The following USH2A variants were observed in gnomAD, a reference collection of about 807,000 sequenced individuals.
USH2A encodes the protein usherin.
USH2A carries 443 observed loss-of-function variants against 538.9 expected under a neutral mutation model. The ratio of observed to expected loss-of-function variants is 0.82; its 90% CI spans 0.76 to 0.89. The LOEUF (loss-of-function observed/expected upper bound fraction) is 0.89. USH2A is among the 40% of genes least tolerant of loss of function. The pLI, the probability that USH2A is intolerant of heterozygous loss-of-function variation, is 0.00. For synonymous variants in USH2A, 2,413 were observed against 2,273.5 expected (o/e 1.06, Z -1.75); for missense variants, 6,633 against 6,324.8 (o/e 1.05, Z -1.65).
rs149386601 is a variant in USH2A, at chr1:215,722,334, G to A, written c.12066+5696C>T. On this transcript the variant is annotated intron_variant, in intron 61 of 71. Transcript: ENST00000307340. Reference sequence around the variant, plus strand: ...AGTATTTCTGTTGTCTAATAAATGTGTCTGGGGAGAAAAGGCTAAGAATCA... The same window carrying A: ...AGTATTTCTGTTGTCTAATAAATGTATCTGGGGAGAAAAGGCTAAGAATCA... Among the ~76,000 whole-genome samples the A allele has an allele frequency of 7.5e-3, 1,149 of 152,218 alleles. 22 individuals carry two copies. Among genetic ancestry groups the A allele is most frequent in the African/African-American group, 0.026 (1,078 of 41,538 alleles).
At chr1:215,710,589 G>A (rs901128986) in intron 61 of USH2A, among the ~76,000 whole-genome samples, 1 of 152,082 alleles carries the variant, frequency 6.6e-6, no homozygotes, top group African/African-American at 2.4e-5. Flanking sequence ...GGGTCCTACG[G>A]CTCTAGGTGG....
chr1:215,634,910 C>T (rs1656428546), intron 69 of USH2A, among the ~76,000 whole-genome samples: 1 of 152,174 alleles, frequency 6.6e-6, no homozygotes, highest in Non-Finnish European at 1.5e-5. Context: ...CCTTGAGAGG[C>T]CTTGCTGACA....
At chr1:216,063,557 A>G (rs1470725089) in intron 30 of USH2A, among the ~76,000 whole-genome samples, 2 of 152,240 alleles carry the variant, frequency 1.3e-5, no homozygotes, top group Non-Finnish European at 2.9e-5. Context: ...CATTGGCAAG[A>G]AATGTAGTGA....
chr1:215,737,821 T>C (rs566445374), intron 60 of USH2A, among the ~76,000 whole-genome samples: 3 of 152,208 alleles, frequency 2.0e-5, no homozygotes, highest in African/African-American at 7.2e-5. Context: ...TTATCCATTT[T>C]ATAAAATGTT....
At chr1:215,804,179 C>T (rs1461604169) in intron 49 of USH2A, among the ~76,000 whole-genome samples, 1 of 152,092 alleles carries the variant, frequency 6.6e-6, no homozygotes, top group Non-Finnish European at 1.5e-5. Flanking sequence ...ACCATAAAAA[C>T]CCTAGAAGAA....
At chr1:216,221,426 T>C (rs1176459049) in intron 14 of USH2A, among the ~76,000 whole-genome samples, 1 of 152,176 alleles carries the variant, frequency 6.6e-6, no homozygotes, top group Non-Finnish European at 1.5e-5. Context: ...AGTTACAGAC[T>C]ACTAACAGCA....
At chr1:215,785,748 C>T (rs2102766018) in intron 52 of USH2A, among the ~76,000 whole-genome samples, 1 of 152,300 alleles carries the variant, frequency 6.6e-6, no homozygotes. Context: ...TAATCTTCCT[C>T]CTCTTATCTT....
intron 61 of USH2A, among the ~76,000 whole-genome samples, chr1:215,693,087 T>C (rs1252939010): frequency 1.4e-5 from 1 of 70,026 alleles, no homozygotes; most frequent in Non-Finnish European, 3.2e-5. Context: ...TATATATATA[T>C]ATATATGTGT....
At chr1:215,718,492 G>T (rs17025217) in intron 61 of USH2A, among the ~76,000 whole-genome samples, 2 of 152,122 alleles carry the variant, frequency 1.3e-5, no homozygotes, top group East Asian at 3.8e-4. Context: ...CAATGTTAAT[G>T]GTCTTTCAAC....
chr1:215,796,720 C>T (rs1662147452), intron 50 of USH2A, among the ~76,000 whole-genome samples: 1 of 152,126 alleles, frequency 6.6e-6, no homozygotes, highest in South Asian at 2.1e-4. Flanking sequence ...CACTTTAAAT[C>T]AAAAGCTAGG....
chr1:215,730,084 A>G (rs1335413083), intron 60 of USH2A, among the ~76,000 whole-genome samples: 1 of 152,214 alleles, frequency 6.6e-6, no homozygotes, highest in Non-Finnish European at 1.5e-5. Context: ...CTAGGGCCAA[A>G]TGCATACTCT....
chr1:215,808,272 A>ATAT (rs1662560181), intron 49 of USH2A, among the ~76,000 whole-genome samples: 3 of 152,150 alleles, frequency 2.0e-5, no homozygotes, highest in Admixed American at 2.0e-4. Flanking sequence ...TGAGAAAAAT[A>ATAT]TATTAAGTCA....
chr1:216,418,257 A>G (rs141664692), intron 3 of USH2A, among the ~76,000 whole-genome samples: 3 of 152,164 alleles, frequency 2.0e-5, no homozygotes, highest in Non-Finnish European at 4.4e-5. Flanking sequence ...TTTTCTGAGG[A>G]TATTACAATT....
intron 3 of USH2A, among the ~76,000 whole-genome samples, chr1:216,414,699 G>A (rs1385558780): frequency 1.3e-5 from 2 of 152,060 alleles, no homozygotes; most frequent in African/African-American, 4.8e-5. Flanking sequence ...GCCATTCCAC[G>A]AATAGAGTTG....
At chr1:216,025,596 TG>T (rs1668945590) in intron 32 of USH2A, among the ~76,000 whole-genome samples, 1 of 152,198 alleles carries the variant, frequency 6.6e-6, no homozygotes, top group South Asian at 2.1e-4. Context: ...TTTTATGAAA[TG>T]TTTTTTCAGA....
At chr1:215,991,800 T>C (rs993961143) in intron 35 of USH2A, among the ~76,000 whole-genome samples, 5 of 152,236 alleles carry the variant, frequency 3.3e-5, no homozygotes, top group African/African-American at 1.2e-4. Context: ...AGTGCTCTAC[T>C]ATGCAAATCA....
chr1:215,978,354 C>T (rs932835329), intron 35 of USH2A, among the ~76,000 whole-genome samples: 2 of 152,120 alleles, frequency 1.3e-5, no homozygotes, highest in Non-Finnish European at 1.5e-5. Context: ...ACTCTGGTCA[C>T]TACTCTTGTT....
intron 37 of USH2A, among the ~76,000 whole-genome samples, chr1:215,939,787 G>T (rs574246708): frequency 6.6e-6 from 1 of 151,972 alleles, no homozygotes; most frequent in South Asian, 2.1e-4. Context: ...CTCTGTGCTG[G>T]ACTGCTCTGA....
intron 12 of USH2A, among the ~76,000 whole-genome samples, chr1:216,248,708 G>T (rs2036100234): frequency 6.6e-6 from 1 of 151,996 alleles, no homozygotes. Flanking sequence ...CAAGAATTAT[G>T]ACTCATTTTG....
Sources: allele counts gnomAD v4.1 joint callset (sites outside exome capture counted in the v4.1 genomes callset), GRCh38; gene constraint gnomAD v4.1.1; transcripts MANE v1.5; gene names NCBI Gene and HGNC (gene_info 2026-07-23, HGNC 2026-07-21).